The following HOOK3 variants were observed in gnomAD, a reference collection of about 807,000 sequenced individuals.
HOOK3 encodes hook microtubule tethering protein 3, also known as protein Hook homolog 3.
Under a neutral mutation model 116.3 loss-of-function variants are expected in HOOK3, and 24 were observed. The observed-to-expected ratio is 0.21, with a 90% CI of 0.15 to 0.29. The LOEUF (loss-of-function observed/expected upper bound fraction) is 0.29, where lower values mean the gene tolerates loss of function less well. HOOK3 is among the 10% of genes least tolerant of loss of function. The pLI, the probability that HOOK3 is intolerant of heterozygous loss-of-function variation, is 1.00. For synonymous variants in HOOK3, 275 were observed against 283.0 expected, an observed-to-expected ratio of 0.97 and a Z score of 0.28; for missense variants, 632 against 830.2, an observed-to-expected ratio of 0.76 and a Z score of 2.93.
chr8:42,997,470 T>C (rs1268385499), intron 15 of HOOK3, 80 bp from the exon 16 acceptor site: 8 of 816,148 alleles, frequency 9.8e-6, no homozygotes, highest in African/African-American at 1.7e-5. Flanking sequence ...TAATTATACT[T>C]TCTAACTAAT....
At chr8:42,946,217 T>C (rs1808222319) in intron 5 of HOOK3, among the ~76,000 whole-genome samples, 2 of 152,166 alleles carry the variant, frequency 1.3e-5, no homozygotes, top group Non-Finnish European at 2.9e-5. Context: ...ATGCCACAGA[T>C]ACCCGTATGA....
chr8:42,974,668 C>A (rs1433173567), intron 13 of HOOK3, among the ~76,000 whole-genome samples: 3 of 152,248 alleles, frequency 2.0e-5, no homozygotes, highest in Non-Finnish European at 4.4e-5. Flanking sequence ...CAGCGATTGC[C>A]TTTTCTTATT....
intron 21 of HOOK3, 52 bp from the exon 22 acceptor site, chr8:43,018,306 A>C: frequency 6.7e-7 from 1 of 1,499,442 alleles, no homozygotes; most frequent in Admixed American, 2.3e-5. Flanking sequence ...TCTTTTGTGA[A>C]GTATGTTCCA....
chr8:42,951,491 T>G (rs1808344732), intron 6 of HOOK3, among the ~76,000 whole-genome samples: 1 of 152,346 alleles, frequency 6.6e-6, no homozygotes, highest in Non-Finnish European at 1.5e-5. Context: ...GTTTTAAATG[T>G]AAAACATAAA....
intron 13 of HOOK3, among the ~76,000 whole-genome samples, chr8:42,977,551 G>A (rs956182456): frequency 2.6e-5 from 4 of 152,094 alleles, no homozygotes; most frequent in African/African-American, 4.8e-5. Flanking sequence ...TAACTTTATC[G>A]TATGCTTTAT....
chr8:42,963,225 T>C (rs1473731232), intron 8 of HOOK3, among the ~76,000 whole-genome samples: 2 of 152,202 alleles, frequency 1.3e-5, no homozygotes, highest in African/African-American at 4.8e-5. Flanking sequence ...CGGGATATTT[T>C]TGGATTTGGG....
chr8:42,904,820 G>C (rs746164310), intron 1 of HOOK3, among the ~76,000 whole-genome samples: 4 of 152,058 alleles, frequency 2.6e-5, no homozygotes, highest in Non-Finnish European at 4.4e-5. Context: ...GTACCAAGCT[G>C]CTCTTCATAC....
At chr8:42,977,538 G>A (rs1586618348) in intron 13 of HOOK3, among the ~76,000 whole-genome samples, 1 of 152,250 alleles carries the variant, frequency 6.6e-6, no homozygotes, top group East Asian at 1.9e-4. Context: ...AACATATTTA[G>A]GTTAACTTTA....
intron 2 of HOOK3, among the ~76,000 whole-genome samples, chr8:42,911,728 G>C (rs117103320): frequency 6.6e-6 from 1 of 152,160 alleles, no homozygotes; most frequent in Non-Finnish European, 1.5e-5. Context: ...GTTGGTATGT[G>C]GGGGAGTTGA....
Position 42,973,999 on chromosome 8 carries a change from A to G in HOOK3, c.1234-108A>G, listed in dbSNP as rs949979200. 6 of 777,398 alleles carry G rather than the reference A, an allele frequency of 7.7e-6. No homozygotes were observed. The African/African-American group carries it at 1.0e-4, about 14-fold the overall frequency. The allele number at this position is 777,398 out of a possible 1,614,324, so 48.2% of individuals were successfully genotyped here. A position where few individuals can be genotyped will look rare whatever the true frequency, so the allele number is the denominator to read the frequency against. On this transcript the variant is annotated intron_variant, in intron 12 of 21. Transcript: ENST00000307602. ...TCCATAGAAAAGCAAAAGGTAAAAC[A>G]TGTTCATGTTCACTATTGTTTATCA...
intron 2 of HOOK3, among the ~76,000 whole-genome samples, chr8:42,924,343 T>C (rs967729957): frequency 4.2e-5 from 6 of 142,050 alleles, no homozygotes; most frequent in African/African-American, 1.0e-4. Context: ...CTCCCTTCCT[T>C]CCTTCCTAGT....
intron 7 of HOOK3, 63 bp downstream of exon 7, chr8:42,957,219 A>T: frequency 1.1e-6 from 1 of 902,660 alleles, no homozygotes; most frequent in Non-Finnish European, 1.7e-6. Flanking sequence ...TCAGATGTTA[A>T]TGAGAAGAAT....
rs190875004 is a variant in HOOK3, at chr8:42,983,264, G to A, written c.1391+568G>A. The stretch of plus-strand genomic sequence containing the variant: ...CGGGAGAATGGTGTGAACTCAGGAG[G>A]CGTAGCTTGCAGTGAGCTGAAGTTG... On this transcript the variant is annotated intron_variant, in intron 14 of 21. Transcript: ENST00000307602. Among the ~76,000 whole-genome samples the A allele has an allele frequency of 6.2e-4, 94 of 151,642 alleles. 1 individual carries two copies. The highest frequency in any genetic ancestry group is 2.1e-3 in the African/African-American group (88 of 41,338).
chr8:42,993,473 T>A (rs543760523), intron 15 of HOOK3, among the ~76,000 whole-genome samples: 31 of 152,320 alleles, frequency 2.0e-4, no homozygotes, highest in African/African-American at 7.5e-4. Context: ...TTTTTTTCTT[T>A]TGATGTGTCT....
intron 1 of HOOK3, among the ~76,000 whole-genome samples, chr8:42,903,656 T>C (rs1428370589): frequency 6.7e-6 from 1 of 150,360 alleles, no homozygotes. Flanking sequence ...AGTTGTCTTT[T>C]AAAGATTTGA....
At chr8:43,012,442 T>TC (rs1201812721) in intron 19 of HOOK3, among the ~76,000 whole-genome samples, 1 of 152,220 alleles carries the variant, frequency 6.6e-6, no homozygotes, top group Non-Finnish European at 1.5e-5. Flanking sequence ...GACTGAAACA[T>TC]CATTATGTGG....
chr8:43,011,687 A>G (rs374028344), intron 19 of HOOK3, among the ~76,000 whole-genome samples: 2 of 152,114 alleles, frequency 1.3e-5, no homozygotes, highest in African/African-American at 2.4e-5. Flanking sequence ...CAGTCTGGGC[A>G]ACATATCCAG....
chr8:43,014,156 C>T (rs1227176282), intron 21 of HOOK3, among the ~76,000 whole-genome samples: 1 of 151,644 alleles, frequency 6.6e-6, no homozygotes, highest in Non-Finnish European at 1.5e-5. Flanking sequence ...CATGGTGGCA[C>T]ATGCTTGTAA....
intron 6 of HOOK3, among the ~76,000 whole-genome samples, chr8:42,950,861 A>C (rs1268324121): frequency 6.6e-6 from 1 of 151,518 alleles, no homozygotes; most frequent in Non-Finnish European, 1.5e-5. Flanking sequence ...AATTTTTTGT[A>C]TTTTTAGTAA....
Sources: allele counts gnomAD v4.1 joint callset (sites outside exome capture counted in the v4.1 genomes callset), GRCh38; gene constraint gnomAD v4.1.1; transcripts MANE v1.5; gene names NCBI Gene and HGNC (gene_info 2026-07-23, HGNC 2026-07-21).